Variants in CPO observed in about 807,000 individuals in gnomAD.
CPO encodes carboxypeptidase O, also known as metallocarboxypeptidase C.
CPO carries 43 observed loss-of-function variants against 41.2 expected under a neutral mutation model. The observed-to-expected ratio is 1.04, with a 90% CI of 0.82 to 1.35. The LOEUF (loss-of-function observed/expected upper bound fraction) is 1.35. CPO is among the 40% of genes most tolerant of loss of function. CPO has a pLI of 0.00. For synonymous variants in CPO, 178 were observed against 162.7 expected (o/e 1.09, Z -0.72); for missense variants, 408 against 451.7 (o/e 0.90, Z 0.88).
chr2:206,943,593 C>A (rs1693068319), intron 1 of CPO, among the ~76,000 whole-genome samples: 3 of 108,046 alleles, frequency 2.8e-5, no homozygotes, highest in Admixed American at 8.7e-5. Context: ...GCCTATGTAA[C>A]AAAGTCTTCA....
intron 6 of CPO, among the ~76,000 whole-genome samples, chr2:206,961,362 G>T (rs1247590747): frequency 6.6e-6 from 1 of 152,154 alleles, no homozygotes; most frequent in African/African-American, 2.4e-5. Context: ...TATGCCCAGT[G>T]AATTGGAAGC....
At chr2:206,950,637 A>C (rs1484674305) in intron 2 of CPO, among the ~76,000 whole-genome samples, 1 of 152,248 alleles carries the variant, frequency 6.6e-6, no homozygotes. Flanking sequence ...ATGTATGTTT[A>C]TTGTGGCACT....
intron 1 of CPO, 26 bp downstream of exon 1, chr2:206,939,693 T>G (rs370021245): frequency 8.2e-6 from 13 of 1,585,654 alleles, no homozygotes; most frequent in African/African-American, 1.3e-5. Flanking sequence ...GAAGAGGAAC[T>G]GATTATTATA....
Position 206,962,726 on chromosome 2 carries a change from C to A in CPO, c.777+112C>A, listed in dbSNP as rs73983127. On this transcript the variant is annotated intron_variant, in intron 7 of 8. Coordinates refer to ENST00000272852, the MANE Select transcript of CPO (RefSeq NM_173077.3). ...TCCAGCCACCCTTTTGTTCTCTCTGCTTATCCCTATATTCTTTTTCCTGCT... is the reference window on the plus strand; with the variant it reads ...TCCAGCCACCCTTTTGTTCTCTCTGATTATCCCTATATTCTTTTTCCTGCT... 2,458 of 806,304 alleles carry A rather than the reference C, an allele frequency of 3.0e-3. 41 individuals carry two copies. The African/African-American group carries it at 0.038, about 12-fold the overall frequency. The allele number at this position is 806,304 out of a possible 1,614,324, so 49.9% of individuals were successfully genotyped here.
At chr2:206,965,649 C>A (rs1693559060) in intron 7 of CPO, among the ~76,000 whole-genome samples, 1 of 152,124 alleles carries the variant, frequency 6.6e-6, no homozygotes, top group Admixed American at 6.5e-5. Flanking sequence ...CTGCCCCCAC[C>A]CCTACTAGGC....
chr2:206,962,512 G>A lies in CPO; in HGVS notation c.675G>A (p.Lys225=). Residue 225 remains lysine, a synonymous_variant, in exon 7 of 9, where the codon AAG becomes AAA. Transcript: ENST00000272852. The part of the protein sequence containing the change: ...TKAVASFIES[K]KDDILCFLTM... ...CTGTTGCCAGCTTCATAGAGAGCAA[G>A]AAGGATGATATTTTGTGCTTCCTGA... 3 of 1,614,178 alleles carry A rather than the reference G, an allele frequency of 1.9e-6. No homozygotes were observed. The highest frequency in any genetic ancestry group is 2.5e-6 in the Non-Finnish European group (3 of 1,180,004).
At chr2:206,950,670 C>G (rs1693243942) in intron 2 of CPO, among the ~76,000 whole-genome samples, 2 of 152,104 alleles carry the variant, frequency 1.3e-5, no homozygotes, top group Non-Finnish European at 2.9e-5. Flanking sequence ...AGACTTGGAA[C>G]CAACCAAATG....
chr2:206,966,200 GA>G (rs34868963), intron 7 of CPO, among the ~76,000 whole-genome samples: 145 of 139,524 alleles, frequency 1.0e-3, no homozygotes, highest in Admixed American at 1.9e-3. Context: ...CTGGCAATGT[GA>G]AAAAAAAAAA....
intron 1 of CPO, among the ~76,000 whole-genome samples, chr2:206,943,650 T>C (rs754047908): frequency 7.6e-6 from 1 of 131,526 alleles, no homozygotes; most frequent in Non-Finnish European, 1.7e-5. Context: ...GAATTATTGT[T>C]ACGATCAAAT....
intron 2 of CPO, among the ~76,000 whole-genome samples, chr2:206,955,058 G>T (rs977566664): frequency 6.6e-6 from 1 of 152,138 alleles, no homozygotes; most frequent in African/African-American, 2.4e-5. Context: ...ATCAGCAAAA[G>T]ATATCACCGG....
At chr2:206,967,713 G>A (rs1693612814) in intron 7 of CPO, among the ~76,000 whole-genome samples, 1 of 152,130 alleles carries the variant, frequency 6.6e-6, no homozygotes, top group African/African-American at 2.4e-5. Flanking sequence ...GGGAAGGTGG[G>A]TTAGAGTCAT....
At position 206,960,954 on chromosome 2, in the gene CPO, C is replaced by T; in HGVS notation, c.574+12C>T. The T allele has an allele frequency of 1.3e-6, 2 of 1,497,282 alleles. No individual in the cohort carries two copies. Among genetic ancestry groups the T allele is most frequent in the South Asian group, 1.1e-5 (1 of 88,604 alleles). 92.7% of individuals were successfully genotyped at this position (1,497,282 alleles called of 1,614,324 possible). On this transcript the variant is annotated intron_variant, in intron 6 of 8. Coordinates refer to ENST00000272852, the MANE Select transcript of CPO (RefSeq NM_173077.3). ...TGCATCTTGGTGTAGTAAGTACATG[C>T]TTAGTAGATGAATTATGAACAAATA...
At chr2:206,946,542 C>T (rs2105819562) in intron 1 of CPO, among the ~76,000 whole-genome samples, 1 of 152,238 alleles carries the variant, frequency 6.6e-6, no homozygotes, top group Middle Eastern at 3.4e-3. Context: ...AGCTTTCCTA[C>T]TAAGGTGAAG....
Position 206,968,160 on chromosome 2 carries a change from T to G in CPO, c.778-103T>G, listed in dbSNP as rs1466533345. 4 of 776,460 alleles carry G rather than the reference T, an allele frequency of 5.2e-6. No homozygotes were observed. The East Asian group carries it at 1.0e-4, about 20-fold the overall frequency. The allele number at this position is 776,460 out of a possible 1,614,324, so 48.1% of individuals were successfully genotyped here. A position where few individuals can be genotyped will look rare whatever the true frequency, so the allele number is the denominator to read the frequency against. ...GATGTCCGATGGGAAGTTGGAAAGGTGGCCTAAAACTCTGGAGATGAATCT... is the reference window on the plus strand; with the variant it reads ...GATGTCCGATGGGAAGTTGGAAAGGGGGCCTAAAACTCTGGAGATGAATCT... On this transcript the variant is annotated intron_variant, in intron 7 of 8. Coordinates refer to ENST00000272852, the MANE Select transcript of CPO (RefSeq NM_173077.3).
intron 1 of CPO, among the ~76,000 whole-genome samples, chr2:206,945,493 G>A (rs949239474): frequency 9.2e-5 from 14 of 152,222 alleles, no homozygotes; most frequent in Middle Eastern, 3.4e-3. Flanking sequence ...ATGTTTGTGC[G>A]GCTTAGAGAT....
chr2:206,950,049 A>T lies in CPO; in HGVS notation c.165+336A>T, dbSNP rs754716376. 7.9e-5 allele frequency among the ~76,000 whole-genome samples: 12 copies of T among 152,318 alleles called. No homozygotes were observed. The East Asian group carries it at 2.1e-3, about 27-fold the overall frequency. The stretch of plus-strand genomic sequence containing the variant: ...TCTTAGCAAGTTTAAGCTGGGCAGC[A>T]TTGCTGTTTATATGGGTGTGAGGTG... On this transcript the variant is annotated intron_variant, in intron 2 of 8. Transcript: ENST00000272852.
Position 206,959,693 on chromosome 2 carries a change from T to C in CPO, c.435T>C (p.Tyr145=), listed in dbSNP as rs767251686. The C allele has an allele frequency of 3.2e-6, 5 of 1,582,682 alleles. No individual in the cohort carries two copies. The highest frequency in any genetic ancestry group is 3.5e-6 in the Non-Finnish European group (4 of 1,151,348). The change falls in exon 5 of 9, where the codon TAT becomes TAC. Residue 145 remains tyrosine (Y), a synonymous_variant. Coordinates refer to ENST00000272852, the MANE Select transcript of CPO (RefSeq NM_173077.3). The part of the protein sequence containing the change: ...IRKLLRNLDF[Y]VLPVLNIDGY... ...AGCTCCTTAGGAACCTGGACTTCTA[T>C]GTCCTTCCAGTTCTTAACATAGATG...
Position 206,958,338 on chromosome 2 carries a change from G to A in CPO, c.305G>A (p.Trp102Ter), listed in dbSNP as rs138166151. The change falls in exon 4 of 9, where the codon TGG becomes TAG. Residue 102 changes from tryptophan to a stop codon, truncating the protein, a stop_gained. Coordinates refer to ENST00000272852, the MANE Select transcript of CPO (RefSeq NM_173077.3). LOFTEE classifies it high-confidence loss of function. The part of the protein sequence containing the change: ...QPSGNPKKII[W>*]MDCGIHAREW... ...TCTGGTAATCCCAAGAAAATCATTT[G>A]GATGGACTGTGGAATTCACGCCAGA... The A allele has an allele frequency of 8.1e-5, 129 of 1,600,394 alleles. No individual in the cohort carries two copies. In the African/African-American group the frequency reaches 1.7e-3, roughly 21 times the overall value.
chr2:206,966,608 C>G (rs889884182), intron 7 of CPO, among the ~76,000 whole-genome samples: 2 of 152,150 alleles, frequency 1.3e-5, no homozygotes, highest in Non-Finnish European at 1.5e-5. Context: ...CGTTTTTAGC[C>G]TCTCCTACCC....
Sources: gnomAD v4.1 joint callset for allele counts (sites outside exome capture counted in the v4.1 genomes callset) on GRCh38, gnomAD v4.1.1 for gene constraint, MANE v1.5 for transcripts, NCBI Gene and HGNC (gene_info 2026-07-23, HGNC 2026-07-21) for gene names.